FSIP2: variants seen among roughly 807,000 people sequenced by gnomAD.
The protein encoded by FSIP2 is fibrous sheath interacting protein 2.
In FSIP2, 367 loss-of-function variants were observed where a neutral mutation model predicts 510.5. The ratio of observed to expected loss-of-function variants is 0.72; its 90% CI spans 0.66 to 0.78. The LOEUF (loss-of-function observed/expected upper bound fraction) is 0.78. Among genes scored for constraint, FSIP2 ranks in the 30% least tolerant of loss-of-function variants. FSIP2 has a pLI of 0.00. For synonymous variants in FSIP2, 2,601 were observed against 2,732.2 expected (o/e 0.95, Z 1.50); for missense variants, 7,594 against 7,901.7 (o/e 0.96, Z 1.48).
At chr2:185,784,637 A>AAAAC (rs1441353112) in intron 14 of FSIP2, among the ~76,000 whole-genome samples, 9 of 152,236 alleles carry the variant, frequency 5.9e-5, no homozygotes, top group African/African-American at 1.9e-4. Flanking sequence ...ATACCAAGAT[A>AAAAC]AAACTATGTT....
chr2:185,772,808 C>CCCCTT (rs1290752265), intron 13 of FSIP2, among the ~76,000 whole-genome samples: 2 of 148,182 alleles, frequency 1.3e-5, no homozygotes, highest in Non-Finnish European at 3.0e-5. Context: ...TTCTTTTCCT[C>CCCCTT]CCCTCCCCTC....
chr2:185,795,330 A>G lies in FSIP2; in HGVS notation c.8194A>G (p.Thr2732Ala). 2.6e-6 allele frequency: 4 copies of G among 1,534,890 alleles called. No individual in the cohort carries two copies. Among genetic ancestry groups the G allele is most frequent in the East Asian group, 2.4e-5 (1 of 40,852 alleles). The change falls in exon 16 of 23, where the codon ACT (threonine) becomes GCT (alanine). Residue 2732 changes from threonine (T) to alanine (A), a missense_variant. By Grantham distance (58) the Thr-to-Ala change is moderately conservative (BLOSUM62 0). Coordinates refer to ENST00000424728, the MANE Select transcript of FSIP2 (RefSeq NM_173651.4). ...AKNLLDTKLP[T>A]SELKIYAKDI... Reference sequence around the variant, plus strand: ...AAATTTACTGGACACAAAATTGCCCACTTCAGAACTAAAAATATATGCCAA... The same window carrying G: ...AAATTTACTGGACACAAAATTGCCCGCTTCAGAACTAAAAATATATGCCAA...
rs200489182 is a variant in FSIP2, at chr2:185,786,230, A to AATG, written c.1470-19_1470-17dup. 7.6e-4 allele frequency: 1,139 copies of AATG among 1,496,940 alleles called. 6 individuals carry two copies. In the African/African-American group the frequency reaches 0.014, roughly 19 times the overall value. 92.7% of individuals were successfully genotyped at this position (1,496,940 alleles called of 1,614,324 possible). A position where few individuals can be genotyped will look rare whatever the true frequency, so the allele number is the denominator to read the frequency against. ...AATTTTTGACTCTATGTAATAACTA[A>AATG]ATGATCAACCTTTCTTTACAGGCAA... On this transcript the variant is annotated intron_variant, in intron 14 of 22. Coordinates refer to ENST00000424728, the MANE Select transcript of FSIP2 (RefSeq NM_173651.4).
chr2:185,743,612 G>T (rs9646802), intron 3 of FSIP2, among the ~76,000 whole-genome samples: 82,731 of 151,910 alleles, frequency 0.54, 22,793 homozygotes, highest in South Asian at 0.64. Flanking sequence ...TAATGGCACT[G>T]TATACTTGTC....
chr2:185,811,191 G>A (rs1158340961), intron 17 of FSIP2, among the ~76,000 whole-genome samples: 1 of 152,052 alleles, frequency 6.6e-6, no homozygotes, highest in African/African-American at 2.4e-5. Flanking sequence ...AATTAGCTGA[G>A]CATGGTGGCT....
Position 185,759,800 on chromosome 2 carries a change from A to G in FSIP2, c.1079-1188A>G, listed in dbSNP as rs368941824. ...TGATTCTGATGTCAGTGTATGAGAT[A>G]GAAAATGTTCACTCTTCTTCAATTT... On this transcript the variant is annotated intron_variant, in intron 9 of 22. Transcript: ENST00000424728. 5.3e-5 allele frequency among the ~76,000 whole-genome samples: 8 copies of G among 150,626 alleles called. No individual in the cohort carries two copies. In the East Asian group the frequency reaches 1.4e-3, roughly 26 times the overall value.
chr2:185,809,023 T>A lies in FSIP2; in HGVS notation c.19717T>A (p.Ser6573Thr). The change falls in exon 17 of 23, where the codon TCA becomes ACA. Residue 6573 changes from serine to threonine, a missense_variant. Ser to Thr is a moderately conservative substitution (Grantham distance 58). Coordinates refer to ENST00000424728, the MANE Select transcript of FSIP2 (RefSeq NM_173651.4). ...TAGCATAGCAGAACTGAGAAGAGCA[T>A]CAATAAGTGGGAGAAATTACTCCTT... Reference protein sequence around the residue: ...GHSIAELRRASISGRNYSLGS... With the variant: ...GHSIAELRRATISGRNYSLGS... The A allele has an allele frequency of 6.2e-7, 1 of 1,612,618 alleles. No individual in the cohort carries two copies.
At chr2:185,739,079 G>A (rs772575745) in intron 1 of FSIP2, 86 bp downstream of exon 1, 42 of 1,424,954 alleles carry the variant, frequency 2.9e-5, no homozygotes, top group Non-Finnish European at 3.7e-5. Context: ...CACACGGGTC[G>A]CGAGGCTCCC....
Position 185,793,714 on chromosome 2 carries a change from T to G in FSIP2, c.6578T>G (p.Phe2193Cys). ...TTGCCCCTGACATTTTGTGATACGT[T>G]TCCAAAAATAGACTGTCAACAGCCT... ...ARLPLTFCDTFPKIDCQQPLK... is the reference protein window; with the variant it reads ...ARLPLTFCDTCPKIDCQQPLK... Residue 2193 changes from phenylalanine to cysteine, a missense_variant, in exon 16 of 23, where the codon TTT (phenylalanine) becomes TGT (cysteine). Physicochemically the swap from Phe to Cys is radical, Grantham distance 205. Transcript: ENST00000424728. 1 of 1,534,602 alleles carries G rather than the reference T, an allele frequency of 6.5e-7. No homozygotes were observed. The highest frequency in any genetic ancestry group is 8.7e-7 in the Non-Finnish European group (1 of 1,145,808).
At position 185,802,523 on chromosome 2, in the gene FSIP2, C is replaced by T; in HGVS notation, c.13217C>T (p.Thr4406Ile). ...EDSGIFVENI[T>I]NLIVAAISDY... Reference sequence around the variant, plus strand: ...AGTGGCATTTTTGTGGAAAATATTACCAATTTAATTGTAGCAGCTATTTCA... The same window carrying T: ...AGTGGCATTTTTGTGGAAAATATTATCAATTTAATTGTAGCAGCTATTTCA... Residue 4406 changes from threonine to isoleucine, a missense_variant, in exon 17 of 23, where the codon ACC becomes ATC. Physicochemically the swap from Thr to Ile is moderately conservative, Grantham distance 89. Transcript: ENST00000424728. The T allele has an allele frequency of 6.5e-7, 1 of 1,531,556 alleles. No individual in the cohort carries two copies. The highest frequency in any genetic ancestry group is 8.7e-7 in the Non-Finnish European group (1 of 1,144,582). The allele number at this position is 1,531,556 out of a possible 1,614,324, so 94.9% of individuals were successfully genotyped here. A position where few individuals can be genotyped will look rare whatever the true frequency, so the allele number is the denominator to read the frequency against.
intron 22 of FSIP2, among the ~76,000 whole-genome samples, chr2:185,832,445 T>TA (rs1243321277): frequency 6.6e-6 from 1 of 151,946 alleles, no homozygotes; most frequent in Non-Finnish European, 1.5e-5. Context: ...AGCTGGGTAT[T>TA]AAAGTTTTAT....
chr2:185,795,918 C>A lies in FSIP2; in HGVS notation c.8782C>A (p.Leu2928Ile). 6.5e-6 allele frequency: 10 copies of A among 1,534,162 alleles called. No homozygotes were observed. Among genetic ancestry groups the A allele is most frequent in the Non-Finnish European group, 8.7e-6 (10 of 1,145,722 alleles). The change falls in exon 16 of 23, where the codon CTA becomes ATA. Residue 2928 changes from leucine to isoleucine, a missense_variant. Coordinates refer to ENST00000424728, the MANE Select transcript of FSIP2 (RefSeq NM_173651.4). ...REIVEMLLEK[L>I]QLCFLSQIPT... Reference sequence around the variant, plus strand: ...AATTGTTGAAATGCTACTTGAAAAACTACAGCTATGCTTTCTGTCCCAAAT... The same window carrying A: ...AATTGTTGAAATGCTACTTGAAAAAATACAGCTATGCTTTCTGTCCCAAAT...
In FSIP2 at chr2:185,803,518, AT is replaced by A. The variant is rs1180631189; in HGVS notation, c.14217del (p.Phe4739LeufsTer10). On this transcript the variant is annotated frameshift_variant, in exon 17 of 23. Transcript: ENST00000424728. LOFTEE classifies it high-confidence loss of function. ...ARITNIILAE[I>X]FDFQIHPDLI... ...AATAACTAATATCATCCTGGCTGAA[AT>A]TTTTGATTTCCAAATTCATCCAGAT... The A allele has an allele frequency of 6.5e-7, 1 of 1,532,902 alleles. No individual in the cohort carries two copies. The highest frequency in any genetic ancestry group is 1.2e-5 in the South Asian group (1 of 83,838). The allele number at this position is 1,532,902 out of a possible 1,614,324, so 95.0% of individuals were successfully genotyped here. A position where few individuals can be genotyped will look rare whatever the true frequency, so the allele number is the denominator to read the frequency against.
At position 185,813,929 on chromosome 2, in the gene FSIP2, A is replaced by G. The variant is rs776705973; in HGVS notation, c.20212A>G (p.Ile6738Val). The change falls in exon 18 of 23, where the codon ATA becomes GTA. Residue 6738 changes from isoleucine (I) to valine (V), a missense_variant. Ile to Val is a conservative substitution (Grantham distance 29). Coordinates refer to ENST00000424728, the MANE Select transcript of FSIP2 (RefSeq NM_173651.4). Reference sequence around the variant, plus strand: ...TACTGAAGCAATCTCAAATCAGGTAATAGAATCCAAGGAGACACATGTTAA... The same window carrying G: ...TACTGAAGCAATCTCAAATCAGGTAGTAGAATCCAAGGAGACACATGTTAA... ...ESTEAISNQV[I>V]ESKETHVKRA... is the part of the protein sequence containing the mutation. 1 of 1,613,518 alleles carries G rather than the reference A, an allele frequency of 6.2e-7. No homozygotes were observed. Among genetic ancestry groups the G allele is most frequent in the Non-Finnish European group, 8.5e-7 (1 of 1,179,718 alleles).
rs1341553242 is a variant in FSIP2, at chr2:185,792,739, G to A, written c.5603G>A (p.Arg1868Lys). Residue 1868 changes from arginine (R) to lysine (K), a missense_variant, in exon 16 of 23, where the codon AGG (arginine) becomes AAG (lysine). Coordinates refer to ENST00000424728, the MANE Select transcript of FSIP2 (RefSeq NM_173651.4). ...AMTERNVREN[R>K]YKTITFSANV... ...ACAGAAAGAAATGTAAGGGAAAATA[G>A]GTATAAAACTATCACTTTTTCAGCA... 2.6e-6 allele frequency: 4 copies of A among 1,533,900 alleles called. No individual in the cohort carries two copies. In the African/African-American group the frequency reaches 4.1e-5, roughly 16 times the overall value.
chr2:185,823,462 A>G (rs530237845), intron 19 of FSIP2, among the ~76,000 whole-genome samples: 3 of 151,862 alleles, frequency 2.0e-5, no homozygotes, highest in African/African-American at 7.2e-5. Context: ...ATGATTTTCA[A>G]TCATTTCCCT....
rs1693622480 is a variant in FSIP2 at position 185,807,792 on chromosome 2, T to G, written c.18486T>G (p.Asp6162Glu). The G allele has an allele frequency of 1.9e-6, 3 of 1,612,782 alleles. No homozygotes were observed. The highest frequency in any genetic ancestry group is 2.5e-6 in the Non-Finnish European group (3 of 1,179,276). Residue 6162 changes from aspartate (D) to glutamate (E), a missense_variant, in exon 17 of 23, where the codon GAT (aspartate) becomes GAG (glutamate). Transcript: ENST00000424728. ...KILKDVFQTT[D>E]VPLPKPSHAD... ...TTAAAGATGTTTTCCAAACTACTGA[T>G]GTGCCCCTACCTAAACCTTCACATG...
At chr2:185,822,125 G>A (rs886177260) in intron 19 of FSIP2, among the ~76,000 whole-genome samples, 8 of 151,838 alleles carry the variant, frequency 5.3e-5, no homozygotes, top group Non-Finnish European at 7.4e-5. Flanking sequence ...CCTCAGTGGT[G>A]AAGAAATGAA....
Position 185,828,185 on chromosome 2 carries a change from G to T in FSIP2, c.20503G>T (p.Gly6835Ter). The T allele has an allele frequency of 6.3e-7, 1 of 1,580,334 alleles. No individual in the cohort carries two copies. Among genetic ancestry groups the T allele is most frequent in the Non-Finnish European group, 8.7e-7 (1 of 1,151,228 alleles). The change falls in exon 21 of 23, where the codon GGA becomes TGA. Residue 6835 changes from glycine (G) to a stop codon, truncating the protein, a stop_gained. Coordinates refer to ENST00000424728, the MANE Select transcript of FSIP2 (RefSeq NM_173651.4). LOFTEE classifies it high-confidence loss of function. The stretch of plus-strand genomic sequence containing the variant: ...TTCTCAGGAACAAAAGCCAGAGCAT[G>T]GAAACAGTGTTAAGGTAAGTATTTT... ...ESSQEQKPEH[G>*]NSVKFITIFE... is the part of the protein sequence containing the mutation.
Sources: allele counts gnomAD v4.1 joint callset (sites outside exome capture counted in the v4.1 genomes callset), GRCh38; gene constraint gnomAD v4.1.1; transcripts MANE v1.5; gene names NCBI Gene and HGNC (gene_info 2026-07-23, HGNC 2026-07-21).